NLGN4X: variants seen among roughly 807,000 people sequenced by gnomAD.
NLGN4X encodes the protein neuroligin-4, X-linked.
A neutral mutation model predicts 40.3 loss-of-function variants in NLGN4X; 3 were observed. The ratio of observed to expected loss-of-function variants is 0.07; its 90% CI spans 0.03 to 0.19. NLGN4X has a LOEUF of 0.19. NLGN4X is among the 10% of genes least tolerant of loss of function. The probability of loss-of-function intolerance (pLI) is 1.00; values close to 1 mark genes in which losing one functional copy is unlikely to be tolerated. For missense variants in NLGN4X, 382 were observed against 708.3 expected (o/e 0.54, Z 5.23); for synonymous variants, 270 against 306.8 (o/e 0.88, Z 1.25).
intron 3 of NLGN4X, among the ~76,000 whole-genome samples, chrX:6,007,053 T>C (rs776341094): frequency 1.8e-5 from 2 of 111,894 alleles, no homozygotes; most frequent in East Asian, 2.8e-4. Flanking sequence ...AACTTAAGTG[T>C]CCATCAACAG....
Position 6,205,195 on chromosome X carries a change from A to C in NLGN4X, c.-306+23346T>G, listed in dbSNP as rs191521296. 3.8e-3 allele frequency among the ~76,000 whole-genome samples: 427 copies of C among 112,233 alleles called. 2 individuals are homozygous for C. Among genetic ancestry groups the C allele is most frequent in the Middle Eastern group, 9.2e-3 (2 of 218 alleles). ...AGCATCCCCATACCTACGAATTCTCATATTCTCCTAGCCCCATGCCCATTG... is the reference window on the plus strand; with the variant it reads ...AGCATCCCCATACCTACGAATTCTCCTATTCTCCTAGCCCCATGCCCATTG... On this transcript the variant is annotated intron_variant, in intron 1 of 5. Transcript: ENST00000381095.
At chrX:6,163,986 G>A (rs987402339) in intron 1 of NLGN4X, among the ~76,000 whole-genome samples, 1 of 112,687 alleles carries the variant, frequency 8.9e-6, no homozygotes, top group Non-Finnish European at 1.9e-5. Flanking sequence ...AGGTTTCAGG[G>A]CATTCTCCTT....
At position 6,148,404 on chromosome X, in the gene NLGN4X, C is replaced by A. The variant is rs191813837; in HGVS notation, c.472+2591G>T. Among the ~76,000 whole-genome samples, 7 of 112,222 alleles carry A rather than the reference C, an allele frequency of 6.2e-5. No individual in the cohort carries two copies. In the East Asian group the frequency reaches 2.0e-3, roughly 31 times the overall value. ...ACTGAGATACTCCCTAAGAGAAGGC[C>A]TTTGGAGAGAATCAGCATGATGCCA... On this transcript the variant is annotated intron_variant, in intron 2 of 5. Transcript: ENST00000381095.
intron 2 of NLGN4X, among the ~76,000 whole-genome samples, chrX:6,144,733 T>A (rs1379159424): frequency 1.8e-5 from 2 of 111,737 alleles, no homozygotes; most frequent in African/African-American, 6.5e-5. Context: ...TCTCTGTTAA[T>A]ATATATGAGA....
At chrX:6,090,686 A>C (rs773284124) in intron 2 of NLGN4X, among the ~76,000 whole-genome samples, 116 of 112,232 alleles carry the variant, frequency 1.0e-3, no homozygotes, top group African/African-American at 3.5e-3. Context: ...TATATAAAGC[A>C]GGATTTTTAT....
At chrX:6,063,667 T>C (rs2037828991) in intron 2 of NLGN4X, among the ~76,000 whole-genome samples, 1 of 112,116 alleles carries the variant, frequency 8.9e-6, no homozygotes, top group Non-Finnish European at 1.9e-5. Context: ...AAGTCAAATA[T>C]TACAAGATAC....
intron 2 of NLGN4X, among the ~76,000 whole-genome samples, chrX:6,045,326 A>C (rs1200899354): frequency 8.9e-6 from 1 of 112,566 alleles, no homozygotes; most frequent in Non-Finnish European, 1.9e-5. Context: ...AGCACCCCCA[A>C]GCACAGAAAA....
chrX:6,163,260 C>T (rs1461480337), intron 1 of NLGN4X, among the ~76,000 whole-genome samples: 1 of 111,901 alleles, frequency 8.9e-6, no homozygotes, highest in Non-Finnish European at 1.9e-5. Context: ...TATATGTAAA[C>T]ACATATAAAT....
At position 5,931,729 on chromosome X, in the gene NLGN4X, C is replaced by A. The variant is rs72627586; in HGVS notation, c.626-22490G>T. ...TCCACAGAAATCTACTTTTGAAAAACTACAGAGGATAAGACGAGGCATCAA... is the reference window on the plus strand; with the variant it reads ...TCCACAGAAATCTACTTTTGAAAAAATACAGAGGATAAGACGAGGCATCAA... On this transcript the variant is annotated intron_variant, in intron 3 of 5. Coordinates refer to ENST00000381095, the MANE Select transcript of NLGN4X (RefSeq NM_181332.3). Among the ~76,000 whole-genome samples the A allele has an allele frequency of 6.2e-4, 69 of 111,314 alleles. No individual in the cohort carries two copies. In the East Asian group the frequency reaches 0.018, roughly 30 times the overall value.
At chrX:6,139,112 A>G (rs1368721252) in intron 2 of NLGN4X, among the ~76,000 whole-genome samples, 1 of 112,004 alleles carries the variant, frequency 8.9e-6, no homozygotes, top group Non-Finnish European at 1.9e-5. Context: ...TTGATTTCAT[A>G]CTAGTTATCT....
intron 1 of NLGN4X, among the ~76,000 whole-genome samples, chrX:6,206,945 G>C (rs1035075907): frequency 1.8e-5 from 2 of 111,454 alleles, no homozygotes; most frequent in African/African-American, 3.3e-5. Context: ...TGTAAAATTA[G>C]AGGGTAAGAA....
At chrX:6,223,407 A>C (rs1925881258) in intron 1 of NLGN4X, among the ~76,000 whole-genome samples, 1 of 111,669 alleles carries the variant, frequency 9.0e-6, no homozygotes, top group Non-Finnish European at 1.9e-5. Flanking sequence ...TGAGGCTTTT[A>C]TTTACTTATT....
chrX:5,919,498 T>C (rs1056882817), intron 3 of NLGN4X, among the ~76,000 whole-genome samples: 4 of 111,721 alleles, frequency 3.6e-5, no homozygotes, highest in Admixed American at 1.9e-4. Context: ...CCCCAGGCCA[T>C]GGACCAGTTT....
chrX:6,027,894 G>A (rs1432630598), intron 3 of NLGN4X, among the ~76,000 whole-genome samples: 1 of 107,142 alleles, frequency 9.3e-6, no homozygotes, highest in African/African-American at 3.4e-5. Context: ...TCTGCTCATT[G>A]CAACCTCGAC....
intron 2 of NLGN4X, among the ~76,000 whole-genome samples, chrX:6,046,140 A>C (rs183886759): frequency 1.2e-4 from 14 of 112,297 alleles, no homozygotes; most frequent in Non-Finnish European, 2.3e-4. Flanking sequence ...AATATATAAA[A>C]TAACAAGAAA....
intron 2 of NLGN4X, among the ~76,000 whole-genome samples, chrX:6,082,496 A>T: frequency 9.0e-6 from 1 of 111,328 alleles, no homozygotes; most frequent in Admixed American, 9.6e-5. Flanking sequence ...AGCTGTGATC[A>T]TGCCACTGCA....
chrX:6,011,333 A>C (rs1472840996), intron 3 of NLGN4X, among the ~76,000 whole-genome samples: 2 of 105,623 alleles, frequency 1.9e-5, no homozygotes, highest in South Asian at 4.3e-4. Context: ...AAATGAATGA[A>C]TCTCTACCAA....
At chrX:5,958,382 C>T (rs1045753867) in intron 3 of NLGN4X, among the ~76,000 whole-genome samples, 6 of 110,787 alleles carry the variant, frequency 5.4e-5, no homozygotes, top group Admixed American at 4.8e-4. Context: ...GAAGAAAATC[C>T]AGAATTTTTT....
intron 2 of NLGN4X, among the ~76,000 whole-genome samples, chrX:6,086,109 G>C (rs1000870197): frequency 1.8e-5 from 2 of 111,960 alleles, no homozygotes; most frequent in East Asian, 5.6e-4. Flanking sequence ...ATGAAGCCCA[G>C]ACAGAATTTC....
Sources: allele counts gnomAD v4.1 joint callset (sites outside exome capture counted in the v4.1 genomes callset), GRCh38; gene constraint gnomAD v4.1.1; transcripts MANE v1.5; gene names NCBI Gene and HGNC (gene_info 2026-07-23, HGNC 2026-07-21).